The following TWIST2 variants were observed in gnomAD, a reference collection of about 807,000 sequenced individuals.
TWIST2 encodes twist family bHLH transcription factor 2, also known as twist-related protein 2.
A neutral mutation model predicts 11.6 loss-of-function variants in TWIST2; 1 was observed. The observed-to-expected ratio is 0.09, with a 90% CI of 0.03 to 0.41. The LOEUF (loss-of-function observed/expected upper bound fraction) is 0.41, where lower values mean the gene tolerates loss of function less well. Among genes scored for constraint, TWIST2 ranks in the 10% least tolerant of loss-of-function variants. The pLI, the probability that TWIST2 is intolerant of heterozygous loss-of-function variation, is 0.98. For missense variants in TWIST2, 168 were observed against 226.4 expected, an observed-to-expected ratio of 0.74 and a Z score of 1.66; for synonymous variants, 87 against 96.6, an observed-to-expected ratio of 0.90 and a Z score of 0.58.
intron 1 of TWIST2, among the ~76,000 whole-genome samples, chr2:238,895,475 A>T (rs1402734981): frequency 6.6e-6 from 1 of 152,206 alleles, no homozygotes; most frequent in Non-Finnish European, 1.5e-5. Flanking sequence ...TGGAGACTGA[A>T]TTTGGTGGCA....
At chr2:238,869,472 A>G (rs1010842171) in intron 1 of TWIST2, among the ~76,000 whole-genome samples, 1 of 152,260 alleles carries the variant, frequency 6.6e-6, no homozygotes, top group Admixed American at 6.5e-5. Flanking sequence ...AGAACTATCC[A>G]GAAGAGATGC....
intron 1 of TWIST2, among the ~76,000 whole-genome samples, chr2:238,895,709 A>G (rs1323832016): frequency 1.3e-5 from 2 of 152,096 alleles, no homozygotes; most frequent in African/African-American, 4.8e-5. Context: ...ATCCTGACGG[A>G]CCGGTCAGAC....
intron 1 of TWIST2, among the ~76,000 whole-genome samples, chr2:238,855,945 T>C (rs1692321791): frequency 6.6e-6 from 1 of 152,210 alleles, no homozygotes; most frequent in Admixed American, 6.5e-5. Context: ...GTTTCACTGA[T>C]ACCAGAACAG....
rs1379339455 is a variant in TWIST2 at position 238,899,842 on chromosome 2, T to A, written c.*36-10000T>A. 2.6e-5 allele frequency among the ~76,000 whole-genome samples: 4 copies of A among 152,202 alleles called. No individual in the cohort carries two copies. The East Asian group carries it at 7.7e-4, about 29-fold the overall frequency. On this transcript the variant is annotated intron_variant, in intron 1 of 1. Coordinates refer to ENST00000612363, the MANE Select transcript of TWIST2 (RefSeq NM_001271893.4). ...GCCGTCAGGACAGGTGTCCAAACCG[T>A]GTCATCTTTTTATGAAGGATGCTGG...
At chr2:238,881,183 G>GTATTTATTAGTATTAGTGTTAT (rs1692918463) in intron 1 of TWIST2, among the ~76,000 whole-genome samples, 1 of 115,518 alleles carries the variant, frequency 8.7e-6, no homozygotes, top group Non-Finnish European at 1.7e-5. Flanking sequence ...ATTAGTGTTA[G>GTATTTATTAGTATTAGTGTTAT]TATTTATTAG....
Position 238,848,172 on chromosome 2 carries a change from C to T in TWIST2, c.-44C>T, listed in dbSNP as rs1167998714. On this transcript the variant is annotated 5_prime_UTR_variant, in exon 1 of 2. Transcript: ENST00000612363. ...GCGGGCTTGGCCAGCGGCGCGCGCT[C>T]GGCGCCCCGGCGCCCCCAGCCCCAC... 1.1e-5 allele frequency: 13 copies of T among 1,203,716 alleles called. No individual in the cohort carries two copies. In the East Asian group the frequency reaches 1.4e-4, roughly 13 times the overall value. The allele number at this position is 1,203,716 out of a possible 1,614,324, so 74.6% of individuals were successfully genotyped here.
At chr2:238,885,290 A>T (rs781663530) in intron 1 of TWIST2, among the ~76,000 whole-genome samples, 181 of 152,124 alleles carry the variant, frequency 1.2e-3, no homozygotes, top group Non-Finnish European at 1.7e-3. Context: ...CTTCAGTGCC[A>T]CACAGTACCT....
chr2:238,869,364 G>A (rs925009870), intron 1 of TWIST2, among the ~76,000 whole-genome samples: 5 of 152,204 alleles, frequency 3.3e-5, no homozygotes, highest in African/African-American at 1.2e-4. Context: ...ATGGGACTAC[G>A]TCGAACTTAA....
chr2:238,888,291 T>C (rs1441895954), intron 1 of TWIST2, among the ~76,000 whole-genome samples: 1 of 152,338 alleles, frequency 6.6e-6, no homozygotes, highest in East Asian at 1.9e-4. Context: ...ATTTCAGGTT[T>C]TGTTGAAGTG....
intron 1 of TWIST2, among the ~76,000 whole-genome samples, chr2:238,872,767 T>C (rs1692730227): frequency 6.6e-6 from 1 of 152,164 alleles, no homozygotes; most frequent in Admixed American, 6.5e-5. Flanking sequence ...GTGACCAGTG[T>C]TGTTCCCATT....
At chr2:238,886,438 A>G (rs1400250611) in intron 1 of TWIST2, among the ~76,000 whole-genome samples, 2 of 152,082 alleles carry the variant, frequency 1.3e-5, no homozygotes, top group Non-Finnish European at 2.9e-5. Flanking sequence ...AGTATGAGGG[A>G]GAATTCGAAT....
At chr2:238,888,647 GAGT>G (rs1335955231) in intron 1 of TWIST2, among the ~76,000 whole-genome samples, 18 of 152,322 alleles carry the variant, frequency 1.2e-4, no homozygotes, top group African/African-American at 3.8e-4. Flanking sequence ...CCCACGTAAG[GAGT>G]ATAAGAAGTC....
chr2:238,906,598 C>T lies in TWIST2; in HGVS notation c.*36-3244C>T, dbSNP rs1025070218. On this transcript the variant is annotated intron_variant, in intron 1 of 1. Coordinates refer to ENST00000612363, the MANE Select transcript of TWIST2 (RefSeq NM_001271893.4). ...TACACAACTTGCACATGGACACACA[C>T]TCACTCTGGACATTCTTTCATACTC... is the stretch of plus-strand genomic sequence containing the variant. 6.6e-5 allele frequency among the ~76,000 whole-genome samples: 10 copies of T among 151,694 alleles called. No individual in the cohort carries two copies. The South Asian group carries it at 8.3e-4, about 13-fold the overall frequency.
Position 238,866,718 on chromosome 2 carries a change from A to G in TWIST2, c.*35+17985A>G, listed in dbSNP as rs913038174. ...CATGCCTTCACGCTGCTCTCCCTTGACTGGAATCTCCCTTGTGCCCGACAG... is the reference window on the plus strand; with the variant it reads ...CATGCCTTCACGCTGCTCTCCCTTGGCTGGAATCTCCCTTGTGCCCGACAG... On this transcript the variant is annotated intron_variant, in intron 1 of 1. Transcript: ENST00000612363. The surrounding 1 kb of genome is among the most constrained non-coding windows in gnomAD (Gnocchi z 4.9). Among the ~76,000 whole-genome samples, 6 of 151,612 alleles carry G rather than the reference A, an allele frequency of 4.0e-5. No homozygotes were observed. Among genetic ancestry groups the G allele is most frequent in the African/African-American group, 1.2e-4 (5 of 41,320 alleles).
intron 1 of TWIST2, among the ~76,000 whole-genome samples, chr2:238,907,440 G>C (rs1693371093): frequency 6.6e-6 from 1 of 152,176 alleles, no homozygotes; most frequent in African/African-American, 2.4e-5. Flanking sequence ...CCTGCAGGTG[G>C]GAACCAGGCT....
At chr2:238,873,018 C>T (rs1251234911) in intron 1 of TWIST2, among the ~76,000 whole-genome samples, 4 of 152,144 alleles carry the variant, frequency 2.6e-5, no homozygotes, top group Admixed American at 6.5e-5. Flanking sequence ...CAATGGAGGA[C>T]TCACCATCCA....
chr2:238,882,516 A>G (rs1247257694), intron 1 of TWIST2, among the ~76,000 whole-genome samples: 1 of 151,988 alleles, frequency 6.6e-6, no homozygotes, highest in Non-Finnish European at 1.5e-5. Flanking sequence ...TGTAAATTTA[A>G]TTTGGGGTAA....
intron 1 of TWIST2, among the ~76,000 whole-genome samples, chr2:238,896,167 C>T (rs1326264714): frequency 3.3e-5 from 5 of 152,156 alleles, no homozygotes; most frequent in African/African-American, 1.2e-4. Flanking sequence ...GGGCGGGGAT[C>T]CGGAAGACGG....
At chr2:238,878,670 G>T (rs1473600128) in intron 1 of TWIST2, among the ~76,000 whole-genome samples, 2 of 152,232 alleles carry the variant, frequency 1.3e-5, no homozygotes, top group Admixed American at 1.3e-4. Context: ...TCCTCCAGGA[G>T]GTAACGCAGA....
Sources: gnomAD v4.1 joint callset for allele counts (sites outside exome capture counted in the v4.1 genomes callset) on GRCh38, gnomAD v4.1.1 for gene constraint, Gnocchi (gnomAD v3.1) non-coding constraint, MANE v1.5 for transcripts, NCBI Gene and HGNC (gene_info 2026-07-23, HGNC 2026-07-21) for gene names.